Variants in KCNH7 observed in about 807,000 individuals in gnomAD.
The protein encoded by KCNH7 is potassium voltage-gated channel subfamily H member 7, also known as voltage-gated inwardly rectifying potassium channel KCNH7.
A neutral mutation model predicts 120.8 loss-of-function variants in KCNH7; 49 were observed. The observed-to-expected ratio is 0.41, with a 90% confidence interval of 0.32 to 0.51. The LOEUF is 0.51. Ranked by LOEUF, KCNH7 falls within the 20% of genes least tolerant of loss-of-function variation. The pLI, the probability that KCNH7 is intolerant of heterozygous loss-of-function variation, is 0.38. For synonymous variants in KCNH7, 547 were observed against 516.1 expected (o/e 1.06, Z -0.81); for missense variants, 1,097 against 1,446.6 (o/e 0.76, Z 3.92).
chr2:162,397,036 A>C, intron 10 of KCNH7, 91 bp from the exon 11 acceptor site: 1 of 829,960 alleles, frequency 1.2e-6, no homozygotes, highest in Non-Finnish European at 1.9e-6. Context: ...TAAACAATTG[A>C]TCAATCCCTG....
intron 2 of KCNH7, among the ~76,000 whole-genome samples, chr2:162,748,405 T>A (rs2105424376): frequency 6.6e-6 from 1 of 152,344 alleles, no homozygotes; most frequent in Admixed American, 6.5e-5. Flanking sequence ...TGCCCTTATC[T>A]AGTTTCATTT....
At chr2:162,388,510 C>T (rs976913604) in intron 12 of KCNH7, among the ~76,000 whole-genome samples, 1 of 151,742 alleles carries the variant, frequency 6.6e-6, no homozygotes, top group East Asian at 1.9e-4. Flanking sequence ...GTCAATTATA[C>T]TTCAATAAAG....
intron 9 of KCNH7, among the ~76,000 whole-genome samples, chr2:162,409,757 A>G (rs1376070009): frequency 1.3e-5 from 2 of 152,034 alleles, no homozygotes; most frequent in East Asian, 3.9e-4. Context: ...ATCAATGTAC[A>G]AAAATCAGTA....
rs776241822 is a variant in KCNH7, at chr2:162,517,727, T to C, written c.892+3A>G. The stretch of plus-strand genomic sequence containing the variant: ...TTTCCATTTAAAAAAAAATCAAACA[T>C]ACCTTCGCTGGCATGTCGGTCTCTA... On this transcript the variant is annotated splice_donor_region_variant and intron_variant, in intron 4 of 15. Transcript: ENST00000332142. 2 of 1,549,566 alleles carry C rather than the reference T, an allele frequency of 1.3e-6. No individual in the cohort carries two copies. The highest frequency in any genetic ancestry group is 1.7e-4 in the Middle Eastern group (1 of 5,762).
chr2:162,579,118 A>T (rs1693786302), intron 2 of KCNH7, among the ~76,000 whole-genome samples: 1 of 151,802 alleles, frequency 6.6e-6, no homozygotes. Context: ...GGCTCTGTGG[A>T]TCCTTGAGTC....
At chr2:162,638,645 G>T (rs900473375) in intron 2 of KCNH7, among the ~76,000 whole-genome samples, 1 of 152,092 alleles carries the variant, frequency 6.6e-6, no homozygotes, top group Non-Finnish European at 1.5e-5. Context: ...TCAGCAATAT[G>T]TACTAGAAAA....
chr2:162,470,475 C>T lies in KCNH7; in HGVS notation c.1129-24032G>A, dbSNP rs566793877. ...GTGAGGAGCCCCTCCGCCCGGCAGCCGCCCTGTCTGAGAAGTGAGGAGCCC... is the reference window on the plus strand; with the variant it reads ...GTGAGGAGCCCCTCCGCCCGGCAGCTGCCCTGTCTGAGAAGTGAGGAGCCC... On this transcript the variant is annotated intron_variant, in intron 6 of 15. Transcript: ENST00000332142. Among the ~76,000 whole-genome samples, 54 of 151,542 alleles carry T rather than the reference C, an allele frequency of 3.6e-4. No individual in the cohort carries two copies. The East Asian group carries it at 9.1e-3, about 26-fold the overall frequency.
Position 162,642,789 on chromosome 2 carries a change from C to A in KCNH7, c.308-105709G>T, listed in dbSNP as rs193212850. Among the ~76,000 whole-genome samples, 58 of 152,274 alleles carry A rather than the reference C, an allele frequency of 3.8e-4. 1 individual carries two copies. Among genetic ancestry groups the A allele is most frequent in the Admixed American group, 3.7e-3 (57 of 15,290 alleles). On this transcript the variant is annotated intron_variant, in intron 2 of 15. Coordinates refer to ENST00000332142, the MANE Select transcript of KCNH7 (RefSeq NM_033272.4). ...ACATCATCATGCAGCTGTGTTCTTG[C>A]TATTCCTGTAGAATGGAGAGTGGAT...
chr2:162,798,274 T>C (rs1684216526), intron 2 of KCNH7, among the ~76,000 whole-genome samples: 2 of 152,048 alleles, frequency 1.3e-5, no homozygotes, highest in South Asian at 4.1e-4. Context: ...TTTTATTCCT[T>C]GTGAATTGGC....
intron 2 of KCNH7, among the ~76,000 whole-genome samples, chr2:162,551,558 G>A (rs139732074): frequency 1.1e-4 from 16 of 151,636 alleles, no homozygotes; most frequent in African/African-American, 3.9e-4. Flanking sequence ...CAGAGAAGGT[G>A]AACTAGAGAA....
chr2:162,529,872 CTTTTA>C (rs1691855566), intron 3 of KCNH7, among the ~76,000 whole-genome samples: 1 of 151,848 alleles, frequency 6.6e-6, no homozygotes, highest in Non-Finnish European at 1.5e-5. Context: ...TCAATTTCAT[CTTTTA>C]TTTTGTGTTT....
intron 6 of KCNH7, among the ~76,000 whole-genome samples, chr2:162,462,203 A>G (rs1198128928): frequency 2.0e-5 from 3 of 152,062 alleles, no homozygotes; most frequent in African/African-American, 7.2e-5. Flanking sequence ...CAGAAACACT[A>G]CCCATGGGAA....
chr2:162,454,796 A>G (rs1192886979), intron 6 of KCNH7, among the ~76,000 whole-genome samples: 1 of 152,084 alleles, frequency 6.6e-6, no homozygotes, highest in Non-Finnish European at 1.5e-5. Flanking sequence ...TTGTATCCTG[A>G]GACTTTCCTG....
At chr2:162,521,171 G>A (rs1691507562) in intron 3 of KCNH7, among the ~76,000 whole-genome samples, 1 of 151,796 alleles carries the variant, frequency 6.6e-6, no homozygotes, top group African/African-American at 2.4e-5. Context: ...TGGCCCATAG[G>A]CCTCAGAAGG....
In KCNH7 at chr2:162,435,329, G is replaced by A. The variant is rs778004405; in HGVS notation, c.1823C>T (p.Pro608Leu). ...TGTGACGTATTTGTCTTTAATGGAT[G>A]GTCCAGAACTTGAGTCACTGTCATT... ...RYNDSDSSSG[P>L]SIKDKYVTAL... The change falls in exon 8 of 16, where the codon CCA becomes CTA. Residue 608 changes from proline (P) to leucine (L), a missense_variant. This residue lies in a region of KCNH7 where 36 missense variants were observed against 46.8 expected (regional missense o/e 0.77). Transcript: ENST00000332142. 1 of 1,613,824 alleles carries A rather than the reference G, an allele frequency of 6.2e-7. No individual in the cohort carries two copies. Among genetic ancestry groups the A allele is most frequent in the South Asian group, 1.1e-5 (1 of 91,074 alleles).
chr2:162,814,217 A>G (rs1684835735), intron 2 of KCNH7, among the ~76,000 whole-genome samples: 1 of 152,176 alleles, frequency 6.6e-6, no homozygotes, highest in African/African-American at 2.4e-5. Context: ...GTCAGGTGGC[A>G]TTTGGGAGGC....
At chr2:162,651,635 GC>G (rs1684568766) in intron 2 of KCNH7, among the ~76,000 whole-genome samples, 1 of 152,034 alleles carries the variant, frequency 6.6e-6, no homozygotes, top group African/African-American at 2.4e-5. Context: ...CCATGTCTTT[GC>G]TATTGTGAAG....
intron 2 of KCNH7, among the ~76,000 whole-genome samples, chr2:162,586,765 A>C (rs570544865): frequency 1.1e-4 from 16 of 152,044 alleles, no homozygotes; most frequent in Admixed American, 9.8e-4. Flanking sequence ...GAAATAGTGC[A>C]AAATATATGA....
intron 9 of KCNH7, among the ~76,000 whole-genome samples, chr2:162,403,910 G>A (rs1687133431): frequency 6.6e-6 from 1 of 151,934 alleles, no homozygotes; most frequent in Non-Finnish European, 1.5e-5. Flanking sequence ...AGAGGTAGAA[G>A]TACATTGAAA....
Sources: gnomAD v4.1 joint callset for allele counts (sites outside exome capture counted in the v4.1 genomes callset) on GRCh38, gnomAD v4.1.1 for gene constraint, gnomAD v4.1.1 regional missense constraint, MANE v1.5 for transcripts, NCBI Gene and HGNC (gene_info 2026-07-23, HGNC 2026-07-21) for gene names.